The following CEP250 variants were observed in gnomAD, a reference collection of about 807,000 sequenced individuals.
The protein encoded by CEP250 is centrosome-associated protein CEP250.
CEP250 carries 242 observed loss-of-function variants against 315.7 expected under a neutral mutation model. That is an observed-to-expected ratio of 0.77 (90% CI 0.69 to 0.85). The LOEUF is 0.85. CEP250 is among the 40% of genes least tolerant of loss of function. The pLI is 0.00. For missense variants in CEP250, 2,515 were observed against 2,886.4 expected, an observed-to-expected ratio of 0.87 and a Z score of 2.95; for synonymous variants, 1,088 against 1,175.0, an observed-to-expected ratio of 0.93 and a Z score of 1.51.
chr20:35,501,196 G>A (rs116678612), intron 28 of CEP250, among the ~76,000 whole-genome samples: 1 of 152,100 alleles, frequency 6.6e-6, no homozygotes, highest in African/African-American at 2.4e-5. Flanking sequence ...AGTTAGCCGG[G>A]TGTGGTGGTG....
chr20:35,476,823 C>T (rs868475871), intron 16 of CEP250: 37 of 433,258 alleles, frequency 8.5e-5, no homozygotes, highest in Middle Eastern at 1.3e-3. Flanking sequence ...GGAAGGGGCC[C>T]ATGTCCTCTG....
chr20:35,467,267 C>T (rs1358143066), intron 8 of CEP250, 37 bp from the exon 9 acceptor site: 2 of 1,595,722 alleles, frequency 1.3e-6, no homozygotes, highest in East Asian at 2.2e-5. Context: ...TTCCCTGGTT[C>T]CTAGTGGAGT....
intron 20 of CEP250, among the ~76,000 whole-genome samples, chr20:35,482,094 TAGA>T (rs1382277756): frequency 4.6e-5 from 7 of 151,862 alleles, no homozygotes; most frequent in South Asian, 2.1e-4. Flanking sequence ...GATAGATAGA[TAGA>T]TAGATAGATT....
At position 35,515,560 on chromosome 20, in the gene CEP250, G is replaced by T. The variant is rs1250690364; in HGVS notation, c.*3934G>T. ...AAGCAGTGAGCTGACTTCCAGGCCT[G>T]AGGCTTTGCCTGCAGGCCTCATCTC... On this transcript the variant is annotated 3_prime_UTR_variant, in exon 35 of 35. Transcript: ENST00000397527. 1 of 152,270 alleles carries T rather than the reference G, an allele frequency of 6.6e-6. No homozygotes were observed. The highest frequency in any genetic ancestry group is 2.4e-5 in the African/African-American group (1 of 41,474). The allele number at this position is 152,270 out of a possible 1,614,324, so 9.4% of individuals were successfully genotyped here.
intron 17 of CEP250, 34 bp downstream of exon 17, chr20:35,478,135 G>T (rs1050247264): frequency 1.5e-6 from 2 of 1,359,710 alleles, no homozygotes; most frequent in African/African-American, 2.9e-5. Context: ...TCATGTCTAG[G>T]TGTAATATAT....
chr20:35,470,421 C>T (rs1265257558), intron 10 of CEP250, among the ~76,000 whole-genome samples: 1 of 152,146 alleles, frequency 6.6e-6, no homozygotes, highest in East Asian at 1.9e-4. Context: ...TGATAGCTGC[C>T]TTCACATATC....
chr20:35,463,798 A>G (rs2062812228), intron 5 of CEP250, among the ~76,000 whole-genome samples, 167 bp downstream of exon 5: 1 of 152,238 alleles, frequency 6.6e-6, no homozygotes, highest in Non-Finnish European at 1.5e-5. Context: ...CATTGGACCT[A>G]GCTGGCCTGT....
intron 20 of CEP250, among the ~76,000 whole-genome samples, chr20:35,485,825 T>G (rs910035935): frequency 6.9e-6 from 1 of 144,144 alleles, no homozygotes; most frequent in African/African-American, 2.6e-5. Context: ...TGGCTAAGTT[T>G]TTTTTTTTTT....
intron 28 of CEP250, among the ~76,000 whole-genome samples, 196 bp from the exon 29 acceptor site, chr20:35,501,649 G>A (rs2064006464): frequency 6.6e-6 from 1 of 152,138 alleles, no homozygotes; most frequent in Non-Finnish European, 1.5e-5. Flanking sequence ...AGTGCTGCCA[G>A]GCAAATAGAA....
In CEP250 at chr20:35,517,034, A is replaced by C. The variant is rs968464856; in HGVS notation, c.*5408A>C. The C allele has an allele frequency of 1.0e-6, 1 of 985,526 alleles. No homozygotes were observed. Among genetic ancestry groups the C allele is most frequent in the African/African-American group, 1.7e-5 (1 of 57,366 alleles). 61.0% of individuals were successfully genotyped at this position (985,526 alleles called of 1,614,324 possible). On this transcript the variant is annotated 3_prime_UTR_variant, in exon 35 of 35. Coordinates refer to ENST00000397527, the MANE Select transcript of CEP250 (RefSeq NM_007186.6). Reference sequence around the variant, plus strand: ...GACTCAGACACCGGGCACTGAGAAAAGTGGGAAGCCATGGTCACAGACTCT... The same window carrying C: ...GACTCAGACACCGGGCACTGAGAAACGTGGGAAGCCATGGTCACAGACTCT...
chr20:35,465,833 A>T lies in CEP250; in HGVS notation c.326+8A>T, dbSNP rs896841825. ...GGAGGAGGAGCAACAGAGGTGATGG[A>T]CCCCAAACTTTCTGACCTGGGTGAT... is the stretch of plus-strand genomic sequence containing the variant. On this transcript the variant is annotated splice_region_variant and intron_variant, in intron 6 of 34. Coordinates refer to ENST00000397527, the MANE Select transcript of CEP250 (RefSeq NM_007186.6). 2 of 1,601,768 alleles carry T rather than the reference A, an allele frequency of 1.2e-6. No homozygotes were observed. The highest frequency in any genetic ancestry group is 1.7e-5 in the Admixed American group (1 of 57,702).
intron 10 of CEP250, among the ~76,000 whole-genome samples, chr20:35,470,578 C>T (rs1416205530): frequency 2.0e-5 from 3 of 152,002 alleles, no homozygotes; most frequent in Admixed American, 1.3e-4. Flanking sequence ...GCAGAAACCC[C>T]GTCTCTACTA....
intron 24 of CEP250, 42 bp from the exon 25 acceptor site, chr20:35,496,535 C>T: frequency 6.4e-7 from 1 of 1,573,576 alleles, no homozygotes; most frequent in East Asian, 2.3e-5. Context: ...ATTTTTCATT[C>T]CCTAAGAGAA....
rs1437824293 is a variant in CEP250, at chr20:35,500,147, A to G, written c.3876A>G (p.Arg1292=). 1 of 1,614,084 alleles carries G rather than the reference A, an allele frequency of 6.2e-7. No individual in the cohort carries two copies. The highest frequency in any genetic ancestry group is 1.7e-5 in the Admixed American group (1 of 60,022). ...QVHTELQDLQ[R]QLSQNQEEKS... ...ACACAGAGTTGCAGGATCTGCAGAG[A>G]CAGCTCTCCCAGAATCAGGAAGGTG... Residue 1292 remains arginine, a synonymous_variant, in exon 28 of 35, where the codon AGA becomes AGG. Transcript: ENST00000397527.
At chr20:35,498,742 G>A (rs374014842) in intron 27 of CEP250, 26 bp downstream of exon 27, 197 of 1,547,478 alleles carry the variant, frequency 1.3e-4, no homozygotes, top group Non-Finnish European at 1.6e-4. Context: ...CCCCTTTCCC[G>A]AACTCTTTAC....
At chr20:35,462,209 C>G in intron 3 of CEP250, 56 bp from the exon 4 acceptor site, 1 of 586,332 alleles carries the variant, frequency 1.7e-6, no homozygotes, top group Non-Finnish European at 3.0e-6. Flanking sequence ...TCTGAGGAGT[C>G]TTGTGTGTAG....
intron 20 of CEP250, among the ~76,000 whole-genome samples, chr20:35,482,745 A>G (rs1476823109): frequency 1.3e-5 from 2 of 150,894 alleles, no homozygotes; most frequent in East Asian, 4.0e-4. Flanking sequence ...TATTTTTAGT[A>G]GAGATGGGGT....
At chr20:35,478,654 C>T (rs1373639685) in intron 17 of CEP250, among the ~76,000 whole-genome samples, 2 of 152,210 alleles carry the variant, frequency 1.3e-5, no homozygotes, top group African/African-American at 4.8e-5. Flanking sequence ...TCTGATAGCA[C>T]CTCATGCTTA....
Position 35,507,907 on chromosome 20 carries a change from G to A in CEP250, c.6750+56G>A, listed in dbSNP as rs534736417. Reference sequence around the variant, plus strand: ...CCCAGCAGGGAGCTCCTGTCCAGGGGTTTGTCCCCTTCCCTTGGGAACTGG... The same window carrying A: ...CCCAGCAGGGAGCTCCTGTCCAGGGATTTGTCCCCTTCCCTTGGGAACTGG... On this transcript the variant is annotated intron_variant, in intron 31 of 34. Coordinates refer to ENST00000397527, the MANE Select transcript of CEP250 (RefSeq NM_007186.6). 6.9e-6 allele frequency: 11 copies of A among 1,599,960 alleles called. No individual in the cohort carries two copies. The African/African-American group carries it at 1.1e-4, about 16-fold the overall frequency.
Sources: allele counts gnomAD v4.1 joint callset (sites outside exome capture counted in the v4.1 genomes callset), GRCh38; gene constraint gnomAD v4.1.1; transcripts MANE v1.5; gene names NCBI Gene and HGNC (gene_info 2026-07-23, HGNC 2026-07-21).